NEURL1: variants seen among roughly 807,000 people sequenced by gnomAD.
NEURL1 encodes the protein E3 ubiquitin-protein ligase NEURL1.
Under a neutral mutation model 41.2 loss-of-function variants are expected in NEURL1, and 26 were observed. That is an observed-to-expected ratio of 0.63 (90% CI 0.46 to 0.87). The LOEUF (loss-of-function observed/expected upper bound fraction) is 0.87, where lower values mean the gene tolerates loss of function less well. Among genes scored for constraint, NEURL1 ranks in the 40% least tolerant of loss-of-function variants. The pLI, the probability that NEURL1 is intolerant of heterozygous loss-of-function variation, is 0.00. For synonymous variants in NEURL1, 400 were observed against 402.3 expected, an observed-to-expected ratio of 0.99 and a Z score of 0.07; for missense variants, 761 against 871.1, an observed-to-expected ratio of 0.87 and a Z score of 1.59.
intron 3 of NEURL1, among the ~76,000 whole-genome samples, chr10:103,580,278 G>A (rs569740107): frequency 6.6e-6 from 1 of 152,318 alleles, no homozygotes; most frequent in South Asian, 2.1e-4. Flanking sequence ...TCAGCTTAGC[G>A]GCTTCTCCTC....
intron 1 of NEURL1, among the ~76,000 whole-genome samples, chr10:103,514,137 G>A (rs1348361310): frequency 3.3e-5 from 5 of 151,604 alleles, no homozygotes; most frequent in African/African-American, 4.9e-5. Flanking sequence ...GAGTCTTGCT[G>A]GAGTGTAGTG....
At chr10:103,519,637 A>AG (rs1331811584) in intron 1 of NEURL1, among the ~76,000 whole-genome samples, 1 of 152,160 alleles carries the variant, frequency 6.6e-6, no homozygotes, top group East Asian at 1.9e-4. Context: ...GAACCCCTTA[A>AG]GGGCTTATCC....
chr10:103,494,593 C>A, intron 1 of NEURL1, 121 bp downstream of exon 1: 1 of 889,534 alleles, frequency 1.1e-6, no homozygotes, highest in Non-Finnish European at 1.7e-6. Flanking sequence ...GGAGATGCAC[C>A]TCTGGCCGTG....
chr10:103,510,436 G>A (rs996029849), intron 1 of NEURL1, among the ~76,000 whole-genome samples: 1 of 152,214 alleles, frequency 6.6e-6, no homozygotes, highest in African/African-American at 2.4e-5. Flanking sequence ...AGCGGCCCCT[G>A]GGGAGAGTGA....
intron 1 of NEURL1, among the ~76,000 whole-genome samples, chr10:103,553,363 C>T (rs1345045365): frequency 1.3e-5 from 2 of 152,160 alleles, no homozygotes; most frequent in African/African-American, 2.4e-5. Flanking sequence ...GACTTAGCTT[C>T]CCGCCCCCAT....
At chr10:103,535,343 C>T (rs2034668960) in intron 1 of NEURL1, among the ~76,000 whole-genome samples, 1 of 152,144 alleles carries the variant, frequency 6.6e-6, no homozygotes, top group Non-Finnish European at 1.5e-5. Flanking sequence ...CAGGATGTCT[C>T]AGTTCATTCA....
rs1387020126 is a variant in NEURL1, at chr10:103,558,297, C to CG, written c.86-12570dup. 2.0e-5 allele frequency: 19 copies of CG among 964,532 alleles called. No individual in the cohort carries two copies. The highest frequency in any genetic ancestry group is 1.1e-3 in the Middle Eastern group (2 of 1,892). 59.7% of individuals were successfully genotyped at this position (964,532 alleles called of 1,614,324 possible). On this transcript the variant is annotated intron_variant, in intron 1 of 5. Transcript: ENST00000369780. This position sits in a 1 kb window ranked among gnomAD's most constrained non-coding sequence, Gnocchi z 4.2. ...AGGACCCAGGACTCTGTATGTGTGT[C>CG]GGGGGTCATCTAATTGTGTGTTTTG... is the stretch of plus-strand genomic sequence containing the variant.
chr10:103,532,384 A>G (rs1387280055), intron 1 of NEURL1, among the ~76,000 whole-genome samples: 1 of 152,014 alleles, frequency 6.6e-6, no homozygotes, highest in African/African-American at 2.4e-5. Flanking sequence ...ATGTGTTTTC[A>G]TGATAGTGAT....
intron 1 of NEURL1, among the ~76,000 whole-genome samples, chr10:103,513,414 G>C (rs1314514088): frequency 6.6e-6 from 1 of 152,200 alleles, no homozygotes; most frequent in Non-Finnish European, 1.5e-5. Flanking sequence ...CTTTGGGGAG[G>C]CCCCACTGGG....
At chr10:103,551,187 T>C (rs985143692) in intron 1 of NEURL1, among the ~76,000 whole-genome samples, 8 of 152,090 alleles carry the variant, frequency 5.3e-5, no homozygotes, top group African/African-American at 1.9e-4. Flanking sequence ...TGCTCACCAG[T>C]TGGTGTATAG....
intron 1 of NEURL1, among the ~76,000 whole-genome samples, chr10:103,565,682 G>T (rs1592227493): frequency 1.3e-5 from 2 of 152,116 alleles, no homozygotes; most frequent in African/African-American, 4.8e-5. Context: ...TTTGAGACAG[G>T]GTCTTGCTCT....
chr10:103,525,304 T>C (rs900779371), intron 1 of NEURL1, among the ~76,000 whole-genome samples: 6 of 151,846 alleles, frequency 4.0e-5, no homozygotes, highest in Non-Finnish European at 8.8e-5. Context: ...AATTCATTTA[T>C]TAGTTCTCAG....
chr10:103,543,683 G>T (rs1304985880), intron 1 of NEURL1, among the ~76,000 whole-genome samples: 1 of 152,228 alleles, frequency 6.6e-6, no homozygotes, highest in Non-Finnish European at 1.5e-5. Context: ...ACAGAGGACT[G>T]GCTGGACAGC....
rs12764317 is a variant in NEURL1 at position 103,496,316 on chromosome 10, T to C, written c.85+1844T>C. 7.1e-3 allele frequency among the ~76,000 whole-genome samples: 1,075 copies of C among 152,320 alleles called. 5 individuals are homozygous for C. The highest frequency in any genetic ancestry group is 0.012 in the Non-Finnish European group (816 of 68,030). ...GAGTACTATGCAGTGATTACAATTA[T>C]ATTTGTGAAGAATAGTTGATGACTG... On this transcript the variant is annotated intron_variant, in intron 1 of 5. Transcript: ENST00000369780.
rs2034555997 is a variant in NEURL1 at position 103,530,856 on chromosome 10, T to C, written c.85+36384T>C. 2.0e-5 allele frequency among the ~76,000 whole-genome samples: 3 copies of C among 152,132 alleles called. No homozygotes were observed. In the South Asian group the frequency reaches 6.2e-4, roughly 32 times the overall value. ...CACCTGGCCATGATTTCGGTTCTTTTAGAATTGTTGAGACTTGTTTTGTGG... is the reference window on the plus strand; with the variant it reads ...CACCTGGCCATGATTTCGGTTCTTTCAGAATTGTTGAGACTTGTTTTGTGG... On this transcript the variant is annotated intron_variant, in intron 1 of 5. Coordinates refer to ENST00000369780, the MANE Select transcript of NEURL1 (RefSeq NM_004210.5).
In NEURL1 at chr10:103,585,001, T is replaced by G; in HGVS notation, c.1115T>G (p.Phe372Cys). Residue 372 changes from phenylalanine to cysteine, a missense_variant, in exon 4 of 6, where the codon TTC becomes TGC. Physicochemically the swap from Phe to Cys is radical, Grantham distance 205. Coordinates refer to ENST00000369780, the MANE Select transcript of NEURL1 (RefSeq NM_004210.5). ...ACGCTGCGGCCGGCCGACCTGCCTTTCAGCCCTGAGGCCCTGGTGGACCGC... is the reference window on the plus strand; with the variant it reads ...ACGCTGCGGCCGGCCGACCTGCCTTGCAGCCCTGAGGCCCTGGTGGACCGC... ...PGTLRPADLP[F>C]SPEALVDRKE... The G allele has an allele frequency of 1.3e-6, 2 of 1,570,066 alleles. No homozygotes were observed.
At chr10:103,563,029 C>T (rs2035338413) in intron 1 of NEURL1, among the ~76,000 whole-genome samples, 2 of 152,272 alleles carry the variant, frequency 1.3e-5, no homozygotes, top group South Asian at 4.2e-4. Flanking sequence ...AAATCCTTTC[C>T]CCCAGAGGGA....
intron 1 of NEURL1, among the ~76,000 whole-genome samples, chr10:103,500,344 A>G (rs1226995339): frequency 2.0e-5 from 3 of 152,200 alleles, no homozygotes; most frequent in African/African-American, 7.2e-5. Context: ...TGTTTTACAG[A>G]TGGGGGAAAA....
chr10:103,528,743 A>G (rs939743893), intron 1 of NEURL1, among the ~76,000 whole-genome samples: 1 of 152,168 alleles, frequency 6.6e-6, no homozygotes, highest in Non-Finnish European at 1.5e-5. Flanking sequence ...AAGCATTCCA[A>G]CCAAACTAAA....
Sources: allele counts gnomAD v4.1 joint callset (sites outside exome capture counted in the v4.1 genomes callset), GRCh38; gene constraint gnomAD v4.1.1; non-coding constraint Gnocchi (gnomAD v3.1); transcripts MANE v1.5; gene names NCBI Gene and HGNC (gene_info 2026-07-23, HGNC 2026-07-21).